C2CD2: variants seen among roughly 807,000 people sequenced by gnomAD.
The protein encoded by C2CD2 is C2 domain-containing protein 2.
C2CD2 carries 43 observed loss-of-function variants against 74.3 expected under a neutral mutation model. The observed-to-expected ratio is 0.58, with a 90% CI of 0.45 to 0.75. The LOEUF (loss-of-function observed/expected upper bound fraction) is 0.75, where lower values mean the gene tolerates loss of function less well. Ranked by LOEUF, C2CD2 falls within the 30% of genes least tolerant of loss-of-function variation. C2CD2 has a pLI of 0.00. For synonymous variants in C2CD2, 422 were observed against 390.7 expected (o/e 1.08, Z -0.94); for missense variants, 801 against 916.3 (o/e 0.87, Z 1.63).
In C2CD2 at chr21:41,939,901, C is replaced by T. The variant is rs2065340541; in HGVS notation, c.378+2246G>A. Reference sequence around the variant, plus strand: ...TGCCTGCCCTTGGGGTCCTCCGGTGCTTGTCTGAGGAGTCGGGAGGCGGTG... The same window carrying T: ...TGCCTGCCCTTGGGGTCCTCCGGTGTTTGTCTGAGGAGTCGGGAGGCGGTG... On this transcript the variant is annotated intron_variant, in intron 2 of 13. Coordinates refer to ENST00000380486, the MANE Select transcript of C2CD2 (RefSeq NM_015500.2). This position sits in a 1 kb window ranked among gnomAD's most constrained non-coding sequence, Gnocchi z 5.5. 6.6e-6 allele frequency among the ~76,000 whole-genome samples: 1 copy of T among 152,182 alleles called. No homozygotes were observed. The highest frequency in any genetic ancestry group is 1.5e-5 in the Non-Finnish European group (1 of 68,040).
intron 1 of C2CD2, among the ~76,000 whole-genome samples, chr21:41,947,135 T>C (rs2065405599): frequency 8.6e-6 from 1 of 116,666 alleles, no homozygotes; most frequent in Non-Finnish European, 1.8e-5. Context: ...TCTCTCTCTC[T>C]CTCTCCCTCC....
chr21:41,916,746 T>C (rs972509665), intron 5 of C2CD2, among the ~76,000 whole-genome samples: 1 of 151,680 alleles, frequency 6.6e-6, no homozygotes, highest in African/African-American at 2.4e-5. Context: ...CTGACCAATA[T>C]AATATACATA....
intron 13 of C2CD2, among the ~76,000 whole-genome samples, chr21:41,898,830 C>T (rs2064854512): frequency 6.6e-6 from 1 of 152,188 alleles, no homozygotes; most frequent in Admixed American, 6.5e-5. Context: ...ACACTGACCC[C>T]AAATGCAGAG....
intron 4 of C2CD2, among the ~76,000 whole-genome samples, 200 bp from the exon 5 acceptor site, chr21:41,918,427 C>T (rs940964502): frequency 6.6e-5 from 10 of 152,322 alleles, no homozygotes; most frequent in Admixed American, 5.9e-4. Flanking sequence ...GCCCAAGTTA[C>T]GAGTGCAGCA....
rs1211403956 is a variant in C2CD2 at position 41,929,006 on chromosome 21, T to C, written c.379-6921A>G. The stretch of plus-strand genomic sequence containing the variant: ...ATATCATACCTGTAATCTCAGCACT[T>C]TGGGAGGCCAAGGCAAGAGGATCAC... On this transcript the variant is annotated intron_variant, in intron 2 of 13. Transcript: ENST00000380486. The surrounding 1 kb of genome is among the most constrained non-coding windows in gnomAD (Gnocchi z 4.6). 1.3e-5 allele frequency among the ~76,000 whole-genome samples: 2 copies of C among 151,918 alleles called. No individual in the cohort carries two copies. The highest frequency in any genetic ancestry group is 4.8e-5 in the African/African-American group (2 of 41,308).
chr21:41,946,382 G>A (rs1179139022), intron 1 of C2CD2, among the ~76,000 whole-genome samples: 1 of 152,184 alleles, frequency 6.6e-6, no homozygotes, highest in African/African-American at 2.4e-5. Flanking sequence ...GGTGCGGGGA[G>A]TTCTCATGAA....
chr21:41,919,293 T>C (rs2065130227), intron 3 of C2CD2, among the ~76,000 whole-genome samples: 1 of 152,158 alleles, frequency 6.6e-6, no homozygotes, highest in South Asian at 2.1e-4. Flanking sequence ...CATGTGTGTA[T>C]GTATGTGTGT....
chr21:41,905,909 A>G (rs2064957158), intron 10 of C2CD2, 72 bp from the exon 11 acceptor site: 1 of 850,500 alleles, frequency 1.2e-6, no homozygotes, highest in East Asian at 2.4e-5. Context: ...GAAAAGTGAA[A>G]GGACAGCCCT....
intron 2 of C2CD2, among the ~76,000 whole-genome samples, chr21:41,928,481 A>G (rs2065234436): frequency 7.1e-6 from 1 of 140,378 alleles, no homozygotes; most frequent in Non-Finnish European, 1.5e-5. Flanking sequence ...ACAACCTGTT[A>G]GCATTTTAGC....
At chr21:41,925,968 C>T (rs141010697) in intron 2 of C2CD2, among the ~76,000 whole-genome samples, 90 of 152,328 alleles carry the variant, frequency 5.9e-4, no homozygotes, top group African/African-American at 2.0e-3. Flanking sequence ...CGGGGAATTC[C>T]AGTTCTATTC....
intron 7 of C2CD2, 108 bp downstream of exon 7, chr21:41,912,224 T>G: frequency 1.6e-6 from 1 of 623,416 alleles, no homozygotes. Context: ...GTTAACTGTT[T>G]TGGTTTAGTG....
chr21:41,924,814 C>T lies in C2CD2; in HGVS notation c.379-2729G>A, dbSNP rs1328273747. 6.6e-6 allele frequency among the ~76,000 whole-genome samples: 1 copy of T among 152,178 alleles called. No homozygotes were observed. The highest frequency in any genetic ancestry group is 2.4e-5 in the African/African-American group (1 of 41,436). On this transcript the variant is annotated intron_variant, in intron 2 of 13. Coordinates refer to ENST00000380486, the MANE Select transcript of C2CD2 (RefSeq NM_015500.2). The surrounding 1 kb of genome is among the most constrained non-coding windows in gnomAD (Gnocchi z 4.4). ...TTGTACCAAGAAAACAGACTCAGAG[C>T]CTCAACCCGAGCAAGAAAGAATTTC...
chr21:41,951,837 T>C (rs1433786686), intron 1 of C2CD2, among the ~76,000 whole-genome samples: 1 of 152,134 alleles, frequency 6.6e-6, no homozygotes, highest in African/African-American at 2.4e-5. Context: ...ATCCCAAATA[T>C]ACAGGAGGTA....
In C2CD2 at chr21:41,905,736, AAGAG is replaced by A; in HGVS notation, c.1416_1419del (p.Ser473LeufsTer9). 1.3e-6 allele frequency: 2 copies of A among 1,594,772 alleles called. No homozygotes were observed. Among genetic ancestry groups the A allele is most frequent in the Non-Finnish European group, 1.7e-6 (2 of 1,163,220 alleles). ...GTGTCTCAGTTACCTGTGTCTGAAG[AAGAG>A]AGTGTTTTGCTGACGGGGGCGCTGC... On this transcript the variant is annotated frameshift_variant, in exon 11 of 14. Coordinates refer to ENST00000380486, the MANE Select transcript of C2CD2 (RefSeq NM_015500.2). LOFTEE classifies it high-confidence loss of function.
intron 8 of C2CD2, chr21:41,908,788 G>T (rs1189436601): frequency 6.6e-6 from 1 of 152,102 alleles, no homozygotes; most frequent in Non-Finnish European, 1.5e-5. Flanking sequence ...GAAAATATTT[G>T]TATCTTTAAA....
intron 7 of C2CD2, among the ~76,000 whole-genome samples, chr21:41,911,408 G>A (rs906299483): frequency 2.7e-5 from 1 of 36,916 alleles, no homozygotes; most frequent in African/African-American, 1.1e-4. Flanking sequence ...TTTTTTTTTT[G>A]AGATGGAGTC....
At chr21:41,914,538 C>G in intron 6 of C2CD2, 60 bp downstream of exon 6, 1 of 1,522,434 alleles carries the variant, frequency 6.6e-7, no homozygotes. Context: ...CCGGAGCCCC[C>G]GACTCTGCTC....
intron 3 of C2CD2, among the ~76,000 whole-genome samples, chr21:41,920,026 C>T (rs775136644): frequency 6.6e-6 from 1 of 152,072 alleles, no homozygotes; most frequent in African/African-American, 2.4e-5. Flanking sequence ...AGGAAGGCAC[C>T]CTGAGCCAAA....
intron 2 of C2CD2, among the ~76,000 whole-genome samples, chr21:41,936,721 A>G (rs2065310054): frequency 6.6e-6 from 1 of 151,856 alleles, no homozygotes; most frequent in Non-Finnish European, 1.5e-5. Flanking sequence ...AGCCTACTCA[A>G]CGTGAAGACG....
Sources: allele counts gnomAD v4.1 joint callset (sites outside exome capture counted in the v4.1 genomes callset), GRCh38; gene constraint gnomAD v4.1.1; non-coding constraint Gnocchi (gnomAD v3.1); transcripts MANE v1.5; gene names NCBI Gene and HGNC (gene_info 2026-07-23, HGNC 2026-07-21).